PPP1R9A: variants seen among roughly 807,000 people sequenced by gnomAD.
The protein encoded by PPP1R9A is neurabin-1.
PPP1R9A carries 59 observed loss-of-function variants against 141.9 expected under a neutral mutation model. The ratio of observed to expected loss-of-function variants is 0.42; its 90% CI spans 0.34 to 0.52. The LOEUF (loss-of-function observed/expected upper bound fraction) is 0.52, where lower values mean the gene tolerates loss of function less well. Ranked by LOEUF, PPP1R9A falls within the 20% of genes least tolerant of loss-of-function variation. The probability of loss-of-function intolerance (pLI) is 0.10; values close to 1 mark genes in which losing one functional copy is unlikely to be tolerated. For synonymous variants in PPP1R9A, 500 were observed against 569.7 expected (o/e 0.88, Z 1.74); for missense variants, 1,444 against 1,611.9 (o/e 0.90, Z 1.78).
intron 2 of PPP1R9A, among the ~76,000 whole-genome samples, chr7:94,938,125 G>C (rs1584299124): frequency 6.6e-6 from 1 of 152,166 alleles, no homozygotes; most frequent in East Asian, 1.9e-4. Context: ...TGCATAGCAG[G>C]AGGTGAGTGG....
intron 2 of PPP1R9A, among the ~76,000 whole-genome samples, chr7:95,107,867 A>G (rs1488195864): frequency 6.6e-6 from 1 of 152,124 alleles, no homozygotes; most frequent in African/African-American, 2.4e-5. Context: ...AGAAATGTGG[A>G]TGTCTTTATA....
At chr7:95,237,254 G>C (rs1796830575) in intron 8 of PPP1R9A, among the ~76,000 whole-genome samples, 1 of 149,276 alleles carries the variant, frequency 6.7e-6, no homozygotes, top group Admixed American at 6.7e-5. Flanking sequence ...GGAGAGCAGT[G>C]GTGCCGTCTC....
At chr7:95,077,716 C>T (rs904213936) in intron 2 of PPP1R9A, among the ~76,000 whole-genome samples, 2 of 152,090 alleles carry the variant, frequency 1.3e-5, no homozygotes, top group African/African-American at 4.8e-5. Context: ...AAAGAGATAG[C>T]TAGGATTCAG....
chr7:95,047,011 G>A (rs1303393249), intron 2 of PPP1R9A, among the ~76,000 whole-genome samples: 9 of 152,146 alleles, frequency 5.9e-5, no homozygotes, highest in Non-Finnish European at 1.2e-4. Context: ...GTGGTGCTGG[G>A]CTCTCTCCTG....
Position 95,254,011 on chromosome 7 carries a change from A to G in PPP1R9A, c.2665+1881A>G, listed in dbSNP as rs546083290. Among the ~76,000 whole-genome samples, 270 of 152,264 alleles carry G rather than the reference A, an allele frequency of 1.8e-3. 1 individual carries two copies. Among genetic ancestry groups the G allele is most frequent in the South Asian group, 3.3e-3 (16 of 4,826 alleles). On this transcript the variant is annotated intron_variant, in intron 12 of 19. Transcript: ENST00000433360. The stretch of plus-strand genomic sequence containing the variant: ...TAAATTATATGACTACAGAAGATCA[A>G]CACACTATACTATTAACATGCTGAT...
At chr7:95,245,324 G>A (rs955712436) in intron 8 of PPP1R9A, among the ~76,000 whole-genome samples, 3 of 152,114 alleles carry the variant, frequency 2.0e-5, no homozygotes, top group Admixed American at 1.3e-4. Context: ...TTCAACGAAT[G>A]CCTATTGAAT....
intron 2 of PPP1R9A, chr7:95,036,730 T>A: frequency 6.6e-6 from 1 of 152,234 alleles, no homozygotes; most frequent in East Asian, 1.9e-4. Flanking sequence ...GTTCATTATC[T>A]TAGATGAATT....
chr7:95,072,985 T>A (rs951810528), intron 2 of PPP1R9A, among the ~76,000 whole-genome samples: 105 of 132,042 alleles, frequency 8.0e-4, no homozygotes, highest in African/African-American at 7.5e-4. Context: ...AATAATAATA[T>A]TATTATTATT....
intron 2 of PPP1R9A, among the ~76,000 whole-genome samples, chr7:95,071,651 T>G (rs936999640): frequency 6.6e-6 from 1 of 151,954 alleles, no homozygotes; most frequent in African/African-American, 2.4e-5. Context: ...TCTAGTAGTT[T>G]TAAAATTAAA....
rs1794679685 is a variant in PPP1R9A, at chr7:95,223,096, A to G, written c.1957-2865A>G. On this transcript the variant is annotated intron_variant, in intron 7 of 19. Transcript: ENST00000433360. ...CATCCTTAGCCTATAATAAGTAATA[A>G]GTAGAATCAAGACAGCAAAAGACAT... Among the ~76,000 whole-genome samples, 3 of 152,044 alleles carry G rather than the reference A, an allele frequency of 2.0e-5. No homozygotes were observed. The South Asian group carries it at 6.2e-4, about 31-fold the overall frequency.
intron 2 of PPP1R9A, among the ~76,000 whole-genome samples, chr7:95,003,024 C>T (rs1803151887): frequency 1.3e-5 from 2 of 151,960 alleles, no homozygotes; most frequent in South Asian, 4.1e-4. Flanking sequence ...TAAAAAAAGT[C>T]CCATAAGACA....
chr7:95,225,445 G>T (rs2152952401), intron 7 of PPP1R9A, among the ~76,000 whole-genome samples: 1 of 152,200 alleles, frequency 6.6e-6, no homozygotes, highest in Non-Finnish European at 1.5e-5. Flanking sequence ...TAGCTCACTA[G>T]TTCACCACAA....
At chr7:94,986,672 A>G (rs138262780) in intron 2 of PPP1R9A, among the ~76,000 whole-genome samples, 1 of 152,206 alleles carries the variant, frequency 6.6e-6, no homozygotes, top group African/African-American at 2.4e-5. Context: ...AATTATCCAG[A>G]TTTAATCATT....
At chr7:95,074,464 T>A (rs1266035024) in intron 2 of PPP1R9A, among the ~76,000 whole-genome samples, 1 of 128,064 alleles carries the variant, frequency 7.8e-6, no homozygotes, top group African/African-American at 3.2e-5. Flanking sequence ...TGCTTTTTTT[T>A]GTTTTTTTTT....
At chr7:95,166,148 CAAAAAAAAAAAA>C (rs201112181) in intron 5 of PPP1R9A, among the ~76,000 whole-genome samples, 37 of 104,432 alleles carry the variant, frequency 3.5e-4, no homozygotes, top group African/African-American at 1.2e-3. Context: ...AACTCCATTT[CAAAAAAAAAAAA>C]AAAAAAGAAA....
chr7:95,218,223 G>A lies in PPP1R9A; in HGVS notation c.1957-7738G>A, dbSNP rs183023324. Among the ~76,000 whole-genome samples, 235 of 152,100 alleles carry A rather than the reference G, an allele frequency of 1.5e-3. 1 individual carries two copies. Among genetic ancestry groups the A allele is most frequent in the African/African-American group, 5.4e-3 (223 of 41,520 alleles). ...ATTATTTCTGCCTTCACTTCCTTACGTACCCAGTAGTCATTCAGGAGCAGC... is the reference window on the plus strand; with the variant it reads ...ATTATTTCTGCCTTCACTTCCTTACATACCCAGTAGTCATTCAGGAGCAGC... On this transcript the variant is annotated intron_variant, in intron 7 of 19. Transcript: ENST00000433360.
At chr7:94,969,521 T>C (rs1280985430) in intron 2 of PPP1R9A, among the ~76,000 whole-genome samples, 1 of 152,028 alleles carries the variant, frequency 6.6e-6, no homozygotes, top group Non-Finnish European at 1.5e-5. Context: ...TCTGGAAGCT[T>C]TGTCTCAGTG....
intron 7 of PPP1R9A, among the ~76,000 whole-genome samples, chr7:95,207,683 A>G (rs1791124973): frequency 6.6e-6 from 1 of 152,174 alleles, no homozygotes; most frequent in African/African-American, 2.4e-5. Flanking sequence ...AAGAAATGAA[A>G]CTGTTATTCA....
At chr7:94,942,098 A>G (rs1360622956) in intron 2 of PPP1R9A, among the ~76,000 whole-genome samples, 1 of 152,174 alleles carries the variant, frequency 6.6e-6, no homozygotes, top group Non-Finnish European at 1.5e-5. Flanking sequence ...AAAAGAAAAG[A>G]AATTTAATGA....
Sources: allele counts gnomAD v4.1 joint callset (sites outside exome capture counted in the v4.1 genomes callset), GRCh38; gene constraint gnomAD v4.1.1; transcripts MANE v1.5; gene names NCBI Gene and HGNC (gene_info 2026-07-23, HGNC 2026-07-21).